Variants in ATG16L2 observed in about 807,000 individuals in gnomAD.
ATG16L2 encodes the protein autophagy related 16 like 2, also known as protein Atg16l2.
A neutral mutation model predicts 84.7 loss-of-function variants in ATG16L2; 77 were observed. That is an observed-to-expected ratio of 0.91 (90% CI 0.76 to 1.10). The LOEUF (loss-of-function observed/expected upper bound fraction) is 1.10. Among genes scored for constraint, ATG16L2 ranks in the 50% least tolerant of loss-of-function variants. ATG16L2 has a pLI of 0.00. For missense variants in ATG16L2, 782 were observed against 817.6 expected, an observed-to-expected ratio of 0.96 and a Z score of 0.53; for synonymous variants, 361 against 342.8, an observed-to-expected ratio of 1.05 and a Z score of -0.59.
At chr11:72,819,391 A>G (rs1859853035) in intron 3 of ATG16L2, among the ~76,000 whole-genome samples, 1 of 152,064 alleles carries the variant, frequency 6.6e-6, no homozygotes, top group Non-Finnish European at 1.5e-5. Flanking sequence ...CAGCTTTCAG[A>G]GTGACATATT....
In ATG16L2 at chr11:72,825,343, C is replaced by T; in HGVS notation, c.1038C>T (p.Pro346=). 6.2e-7 allele frequency: 1 copy of T among 1,613,642 alleles called. No homozygotes were observed. Among genetic ancestry groups the T allele is most frequent in the Non-Finnish European group, 8.5e-7 (1 of 1,179,978 alleles). Residue 346 remains proline, a synonymous_variant, in exon 10 of 18, where the codon CCC becomes CCT. Transcript: ENST00000321297. The part of the protein sequence containing the change: ...LSEVNAVRFG[P]NSSLLATGGA... ...AGGTCAATGCTGTTCGTTTTGGCCC[C>T]AACAGCAGCCTCCTGGCCACTGGAG...
At chr11:72,832,169 G>C (rs749254141), downstream of ATG16L2, among the ~76,000 whole-genome samples, 9 of 152,218 alleles carry the variant, frequency 5.9e-5, no homozygotes, top group Non-Finnish European at 7.3e-5. Flanking sequence ...ATTTCACAGG[G>C]TTGTAGTGGA....
chr11:72,824,504 C>T (rs930128724), intron 8 of ATG16L2: 1 of 575,464 alleles, frequency 1.7e-6, no homozygotes, highest in East Asian at 3.0e-5. Context: ...TTCTTTGCAC[C>T]CACCAACCCT....
intron 14 of ATG16L2, 78 bp downstream of exon 14, chr11:72,827,371 A>G: frequency 8.0e-7 from 1 of 1,252,810 alleles, no homozygotes; most frequent in Non-Finnish European, 1.2e-6. Context: ...TTCTCTGGCC[A>G]TGGCAGGAGG....
chr11:72,821,509 G>GCGT, intron 3 of ATG16L2, 159 bp from the exon 4 acceptor site: 1 of 1,431,980 alleles, frequency 7.0e-7, no homozygotes, highest in Non-Finnish European at 9.1e-7. Context: ...AAACAGCAGC[G>GCGT]CGTCCCTGTG....
In ATG16L2 at chr11:72,817,871, G is replaced by T. The variant is rs1268638992; in HGVS notation, c.318+16G>T. 6.2e-7 allele frequency: 1 copy of T among 1,600,766 alleles called. No homozygotes were observed. Among genetic ancestry groups the T allele is most frequent in the Non-Finnish European group, 8.5e-7 (1 of 1,176,318 alleles). ...CTGTGGTGAGGTAAGTTGGGAAGGGGTCTGAAAATGGGGTAGAGAGATGTG... is the reference window on the plus strand; with the variant it reads ...CTGTGGTGAGGTAAGTTGGGAAGGGTTCTGAAAATGGGGTAGAGAGATGTG... On this transcript the variant is annotated intron_variant, in intron 3 of 17. Transcript: ENST00000321297.
chr11:72,814,639 C>T (rs1048219985), intron 1 of ATG16L2, 76 bp downstream of exon 1: 1 of 1,251,542 alleles, frequency 8.0e-7, no homozygotes, highest in Non-Finnish European at 1.1e-6. Context: ...GTTTGGCTGG[C>T]TCCTCCGCCT....
chr11:72,823,985 G>A, intron 7 of ATG16L2, 75 bp from the exon 8 acceptor site: 1 of 1,536,766 alleles, frequency 6.5e-7, no homozygotes, highest in Non-Finnish European at 9.0e-7. Context: ...CTCTGGCAAA[G>A]TGTGGAGATG....
intron 10 of ATG16L2, 30 bp downstream of exon 10, chr11:72,825,437 G>C (rs756572086): frequency 1.3e-6 from 2 of 1,570,788 alleles, no homozygotes; most frequent in East Asian, 2.2e-5. Context: ...CGGCCAACTT[G>C]GTGCTTCTCT....
intron 5 of ATG16L2, chr11:72,838,726 A>T (rs1860808886): frequency 5.7e-6 from 8 of 1,409,114 alleles, no homozygotes; most frequent in Middle Eastern, 2.3e-4. Flanking sequence ...GTGCCTAAAA[A>T]ACAAGACTGG....
downstream of ATG16L2, among the ~76,000 whole-genome samples, chr11:72,831,212 A>G (rs1021087067): frequency 6.6e-6 from 1 of 152,210 alleles, no homozygotes; most frequent in African/African-American, 2.4e-5. Flanking sequence ...AAGTGGTTAA[A>G]TTCTCTTATT....
At chr11:72,831,698 G>T, downstream of ATG16L2, among the ~76,000 whole-genome samples, 2 of 152,134 alleles carry the variant, frequency 1.3e-5, no homozygotes, top group East Asian at 3.8e-4. Context: ...CATGGCTGGG[G>T]AGACCGACAC....
intron 2 of ATG16L2, 36 bp from the exon 3 acceptor site, chr11:72,817,720 C>CG: frequency 6.2e-7 from 1 of 1,605,748 alleles, no homozygotes; most frequent in South Asian, 1.1e-5. Context: ...TTGGGTGAAC[C>CG]GGGGGACATT....
At position 72,825,310 on chromosome 11, in the gene ATG16L2, CCT is replaced by C. The variant is rs1658296384; in HGVS notation, c.1010_1011del (p.Ser337Ter). ...CTCCCCTTTCCCCACAGGATGCCCA[CCT>C]CTCTGAGGTCAATGCTGTTCGTTTT... ...TRAQDVLDAH[L>X]SEVNAVRFGP... On this transcript the variant is annotated frameshift_variant, in exon 10 of 18. Coordinates refer to ENST00000321297, the MANE Select transcript of ATG16L2 (RefSeq NM_033388.2). LOFTEE classifies it high-confidence loss of function. The C allele has an allele frequency of 6.2e-7, 1 of 1,613,430 alleles. No individual in the cohort carries two copies. Among genetic ancestry groups the C allele is most frequent in the South Asian group, 1.1e-5 (1 of 91,072 alleles).
rs146005831 is a variant in ATG16L2, at chr11:72,828,949, C to T, written c.1737C>T (p.Thr579=). The T allele has an allele frequency of 1.3e-4, 204 of 1,614,136 alleles. 1 individual carries two copies. The highest frequency in any genetic ancestry group is 8.3e-4 in the South Asian group (76 of 91,080). ...CCCTTTACATCTGGGATGTGGACACCGGGAAACTGGAGAGCAGACTACAGG... is the reference window on the plus strand; with the variant it reads ...CCCTTTACATCTGGGATGTGGACACTGGGAAACTGGAGAGCAGACTACAGG... The part of the protein sequence containing the change: ...DGALYIWDVD[T]GKLESRLQGP... The change falls in exon 17 of 18, where the codon ACC becomes ACT. Residue 579 remains threonine, a synonymous_variant. Coordinates refer to ENST00000321297, the MANE Select transcript of ATG16L2 (RefSeq NM_033388.2).
intron 5 of ATG16L2, chr11:72,841,045 G>T (rs1860913974): frequency 1.0e-6 from 1 of 995,992 alleles, no homozygotes; most frequent in East Asian, 2.5e-5. Context: ...GCTTGAGCCT[G>T]TAATCCCAGC....
At chr11:72,821,959 G>C in intron 4 of ATG16L2, 85 bp from the exon 5 acceptor site, 1 of 1,436,976 alleles carries the variant, frequency 7.0e-7, no homozygotes, top group East Asian at 2.6e-5. Context: ...GGCATGGGCA[G>C]GTCTGTCTCT....
intron 10 of ATG16L2, 65 bp downstream of exon 10, chr11:72,825,472 C>T (rs1284124606): frequency 1.6e-6 from 2 of 1,257,590 alleles, no homozygotes; most frequent in Admixed American, 1.7e-5. Flanking sequence ...CAGCTCACTC[C>T]TTGGTGGGCA....
At chr11:72,841,401 G>A in intron 5 of ATG16L2, 1 of 1,324,386 alleles carries the variant, frequency 7.6e-7, no homozygotes, top group Non-Finnish European at 1.0e-6. Context: ...AGGCGAATAT[G>A]TAGGTTTCTG....
Sources: allele counts gnomAD v4.1 joint callset (sites outside exome capture counted in the v4.1 genomes callset), GRCh38; gene constraint gnomAD v4.1.1; transcripts MANE v1.5; gene names NCBI Gene and HGNC (gene_info 2026-07-23, HGNC 2026-07-21).